Variants in PHETA1 observed in about 807,000 individuals in gnomAD.
PHETA1 encodes the protein sesquipedalian-1.
For synonymous variants in PHETA1, 155 were observed against 168.9 expected, an observed-to-expected ratio of 0.92 and a Z score of 0.64; for missense variants, 348 against 373.5, an observed-to-expected ratio of 0.93 and a Z score of 0.56.
chr12:111,361,772 C>CT lies in PHETA1; in HGVS notation c.*905dup. On this transcript the variant is annotated 3_prime_UTR_variant, in exon 3 of 3. Transcript: ENST00000683047. ...TGGGCCTTCCTAGGCGGTGAGTCAG[C>CT]TGGTGGCCTCCCCTCCCTGGGGGAA... 5.0e-6 allele frequency: 2 copies of CT among 398,196 alleles called. No individual in the cohort carries two copies. 24.7% of individuals were successfully genotyped at this position (398,196 alleles called of 1,614,324 possible).
Position 111,363,241 on chromosome 12 carries a change from G to C in PHETA1, c.187C>G (p.Leu63Val). ...ASREPVGVII[L>V]EGCTVELVEA... ...ACCAGCTCCACAGTGCAGCCCTCCA[G>C]GATGATGACGCCCACGGGCTCACGG... Residue 63 changes from leucine to valine, a missense_variant, in exon 3 of 3, where the codon CTG becomes GTG. By Grantham distance (32) the Leu-to-Val change is conservative (BLOSUM62 1). Coordinates refer to ENST00000683047, the MANE Select transcript of PHETA1 (RefSeq NM_144671.6). The surrounding 1 kb of genome is among the most constrained non-coding windows in gnomAD (Gnocchi z 7.4). 1.2e-6 allele frequency: 2 copies of C among 1,613,316 alleles called. No individual in the cohort carries two copies. Among genetic ancestry groups the C allele is most frequent in the South Asian group, 2.2e-5 (2 of 91,080 alleles).
In PHETA1 at chr12:111,363,807, C is replaced by A; in HGVS notation, c.-36-344G>T. On this transcript the variant is annotated intron_variant, in intron 2 of 2. Transcript: ENST00000683047. The surrounding 1 kb of genome is among the most constrained non-coding windows in gnomAD (Gnocchi z 7.4). ...CACAGGGACTGGCCTGGCACCAGTG[C>A]AACAGATGAGGAAACAGAGGCACAG... The A allele has an allele frequency of 8.1e-7, 1 of 1,240,552 alleles. No homozygotes were observed. Among genetic ancestry groups the A allele is most frequent in the South Asian group, 1.3e-5 (1 of 74,680 alleles). The allele number at this position is 1,240,552 out of a possible 1,614,324, so 76.8% of individuals were successfully genotyped here. A position where few individuals can be genotyped will look rare whatever the true frequency, so the allele number is the denominator to read the frequency against.
rs1321319987 is a variant in PHETA1, at chr12:111,368,197, C to T, written c.-182+715G>A. 6.6e-6 allele frequency among the ~76,000 whole-genome samples: 1 copy of T among 152,172 alleles called. No homozygotes were observed. The highest frequency in any genetic ancestry group is 1.5e-5 in the Non-Finnish European group (1 of 68,032). On this transcript the variant is annotated intron_variant, in intron 1 of 2. Transcript: ENST00000683047. The surrounding 1 kb of genome is among the most constrained non-coding windows in gnomAD (Gnocchi z 5.0). ...TCCTGAAGAGTCATTTTGCAAAATA[C>T]TTGGTGGGTAGTGAGCTTTCAGGGA...
In PHETA1 at chr12:111,362,356, G is replaced by T; in HGVS notation, c.*322C>A. On this transcript the variant is annotated 3_prime_UTR_variant, in exon 3 of 3. Transcript: ENST00000683047. ...GCAGGCCCGGCAATGCCTGTTGCCA[G>T]CACAGGCCTCTGCCCGGCAGCTCAG... The T allele has an allele frequency of 1.8e-6, 1 of 566,160 alleles. No homozygotes were observed. Among genetic ancestry groups the T allele is most frequent in the Non-Finnish European group, 3.1e-6 (1 of 323,622 alleles). The allele number at this position is 566,160 out of a possible 1,614,324, so 35.1% of individuals were successfully genotyped here. A position where few individuals can be genotyped will look rare whatever the true frequency, so the allele number is the denominator to read the frequency against.
At position 111,363,067 on chromosome 12, in the gene PHETA1, G is replaced by T. The variant is rs764966061; in HGVS notation, c.361C>A (p.Arg121Ser). 10 of 1,576,204 alleles carry T rather than the reference G, an allele frequency of 6.3e-6. No homozygotes were observed. Among genetic ancestry groups the T allele is most frequent in the South Asian group, 1.2e-5 (1 of 86,892 alleles). Residue 121 changes from arginine (R) to serine (S), a missense_variant, in exon 3 of 3, where the codon CGC becomes AGC. Arg to Ser is a moderately radical substitution (Grantham distance 110). Transcript: ENST00000683047. This position sits in a 1 kb window ranked among gnomAD's most constrained non-coding sequence, Gnocchi z 7.4. ...ASFDYLRLVV[R>S]ELEQQLAAVR... ...GCCGCCAGCTGCTGCTCCAGCTCGC[G>T]CACCACCAGCCGCAGGTAGTCGAAG...
rs995668204 is a variant in PHETA1, at chr12:111,362,448, C to T, written c.*230G>A. 2.2e-5 allele frequency: 25 copies of T among 1,138,816 alleles called. No individual in the cohort carries two copies. The highest frequency in any genetic ancestry group is 8.6e-5 in the Admixed American group (3 of 35,018). The allele number at this position is 1,138,816 out of a possible 1,614,324, so 70.5% of individuals were successfully genotyped here. On this transcript the variant is annotated 3_prime_UTR_variant, in exon 3 of 3. Transcript: ENST00000683047. ...GCCCTGGATTCTCCTTAGTGTTGCA[C>T]GTGACGTTCCCCTCAAGGGTAGGCC...
Position 111,363,547 on chromosome 12 carries a change from A to C in PHETA1, c.-36-84T>G. Reference sequence around the variant, plus strand: ...CCCAAGGGGACCTTGCAGCCACTCTACATCCCCGTTTCACAGATGAGGAAA... The same window carrying C: ...CCCAAGGGGACCTTGCAGCCACTCTCCATCCCCGTTTCACAGATGAGGAAA... On this transcript the variant is annotated intron_variant, in intron 2 of 2. Transcript: ENST00000683047. The surrounding 1 kb of genome is among the most constrained non-coding windows in gnomAD (Gnocchi z 7.4). The C allele has an allele frequency of 3.9e-6, 6 of 1,532,822 alleles. No individual in the cohort carries two copies. The highest frequency in any genetic ancestry group is 5.2e-6 in the Non-Finnish European group (6 of 1,143,564). 95.0% of individuals were successfully genotyped at this position (1,532,822 alleles called of 1,614,324 possible).
rs1298040854 is a variant in PHETA1, at chr12:111,363,318, C to T, written c.110G>A (p.Arg37His). ...KGGRHAAYHR[R>H]WFVLRGNMLF... ...CATGTTCCCGCGCAGCACGAACCAG[C>T]GCCGGTGGTAGGCCGCGTGCCGCCC... The change falls in exon 3 of 3, where the codon CGC becomes CAC. Residue 37 changes from arginine to histidine, a missense_variant. Physicochemically the swap from Arg to His is conservative, Grantham distance 29. Transcript: ENST00000683047. This position sits in a 1 kb window ranked among gnomAD's most constrained non-coding sequence, Gnocchi z 7.4. 1 of 1,613,194 alleles carries T rather than the reference C, an allele frequency of 6.2e-7. No homozygotes were observed. Among genetic ancestry groups the T allele is most frequent in the East Asian group, 2.2e-5 (1 of 44,882 alleles).
Position 111,362,407 on chromosome 12 carries a change from G to A in PHETA1, c.*271C>T. 1 of 883,184 alleles carries A rather than the reference G, an allele frequency of 1.1e-6. No homozygotes were observed. Among genetic ancestry groups the A allele is most frequent in the Non-Finnish European group, 1.7e-6 (1 of 600,570 alleles). 54.7% of individuals were successfully genotyped at this position (883,184 alleles called of 1,614,324 possible). A position where few individuals can be genotyped will look rare whatever the true frequency, so the allele number is the denominator to read the frequency against. ...GCCAGCCTGGGGCCGGAGTTCTCAG[G>A]AAACCTCCCCCTCAGGCCCTGGATT... On this transcript the variant is annotated 3_prime_UTR_variant, in exon 3 of 3. Coordinates refer to ENST00000683047, the MANE Select transcript of PHETA1 (RefSeq NM_144671.6).
rs1440783930 is a variant in PHETA1, at chr12:111,367,602, AAAGG to A, written c.-182+1306_-182+1309del. ...GGGGTCTCTCCACCCCATCAAGGCC[AAAGG>A]AATAGCAACTTCCCTCCTGCTCAGC... On this transcript the variant is annotated intron_variant, in intron 1 of 2. Transcript: ENST00000683047. This position sits in a 1 kb window ranked among gnomAD's most constrained non-coding sequence, Gnocchi z 4.0. 2.0e-5 allele frequency among the ~76,000 whole-genome samples: 3 copies of A among 152,326 alleles called. No individual in the cohort carries two copies. Among genetic ancestry groups the A allele is most frequent in the East Asian group, 3.9e-4 (2 of 5,186 alleles).
rs1192958284 is a variant in PHETA1 at position 111,368,810 on chromosome 12, C to T, written c.-182+102G>A. On this transcript the variant is annotated intron_variant, in intron 1 of 2. Transcript: ENST00000683047. The surrounding 1 kb of genome is among the most constrained non-coding windows in gnomAD (Gnocchi z 5.0). Reference sequence around the variant, plus strand: ...GTGCGGAGTCCCAGCGGGGAAGATCCCCGCAACGCGCTCTCCAGGTGGCCG... The same window carrying T: ...GTGCGGAGTCCCAGCGGGGAAGATCTCCGCAACGCGCTCTCCAGGTGGCCG... The T allele has an allele frequency of 6.6e-6, 1 of 152,298 alleles. No homozygotes were observed. The highest frequency in any genetic ancestry group is 6.5e-5 in the Admixed American group (1 of 15,292). 9.4% of individuals were successfully genotyped at this position (152,298 alleles called of 1,614,324 possible). A position where few individuals can be genotyped will look rare whatever the true frequency, so the allele number is the denominator to read the frequency against.
Position 111,361,872 on chromosome 12 carries a change from A to G in PHETA1, c.*806T>C. The G allele has an allele frequency of 2.2e-6, 1 of 456,058 alleles. No homozygotes were observed. Among genetic ancestry groups the G allele is most frequent in the South Asian group, 1.5e-5 (1 of 64,558 alleles). The allele number at this position is 456,058 out of a possible 1,614,324, so 28.3% of individuals were successfully genotyped here. A position where few individuals can be genotyped will look rare whatever the true frequency, so the allele number is the denominator to read the frequency against. ...GTCAGGCAAGCTCCCAAGGGGCCCC[A>G]GGCCTAGGGGCCAAGACTGAAGGAT... On this transcript the variant is annotated 3_prime_UTR_variant, in exon 3 of 3. Coordinates refer to ENST00000683047, the MANE Select transcript of PHETA1 (RefSeq NM_144671.6).
Position 111,363,471 on chromosome 12 carries a change from C to A in PHETA1, c.-36-8G>T, listed in dbSNP as rs1868834716. ...TGGAGGGGAGCCTGGGGCCTGGACC[C>A]CATAGAAGGGCTGTTATGCACAAGG... On this transcript the variant is annotated splice_polypyrimidine_tract_variant and splice_region_variant and intron_variant, in intron 2 of 2. Coordinates refer to ENST00000683047, the MANE Select transcript of PHETA1 (RefSeq NM_144671.6). The surrounding 1 kb of genome is among the most constrained non-coding windows in gnomAD (Gnocchi z 7.4). 6.9e-6 allele frequency: 11 copies of A among 1,589,098 alleles called. No homozygotes were observed. The highest frequency in any genetic ancestry group is 2.3e-5 in the East Asian group (1 of 44,436).
Position 111,365,616 on chromosome 12 carries a change from A to G in PHETA1, c.-37+497T>C. On this transcript the variant is annotated intron_variant, in intron 2 of 2. Coordinates refer to ENST00000683047, the MANE Select transcript of PHETA1 (RefSeq NM_144671.6). ...GAATGAGATCATGTCCTTTGCGGGGAAATAGATGGAGCTGGAAGCCATCAT... is the reference window on the plus strand; with the variant it reads ...GAATGAGATCATGTCCTTTGCGGGGGAATAGATGGAGCTGGAAGCCATCAT... 3 of 443,906 alleles carry G rather than the reference A, an allele frequency of 6.8e-6. 1 individual carries two copies. In the Middle Eastern group the frequency reaches 1.1e-3, roughly 168 times the overall value. The allele number at this position is 443,906 out of a possible 1,614,324, so 27.5% of individuals were successfully genotyped here.
chr12:111,361,548 GA>G lies in PHETA1; in HGVS notation c.*1129del. ...CCCAGCCCCGAGGTTCTCCCTGGAT[GA>G]AAAATGGGCACTGTGGTGAGAAGAA... On this transcript the variant is annotated 3_prime_UTR_variant, in exon 3 of 3. Transcript: ENST00000683047. 4.5e-6 allele frequency: 1 copy of G among 222,444 alleles called. No homozygotes were observed. Among genetic ancestry groups the G allele is most frequent in the Non-Finnish European group, 9.1e-6 (1 of 109,628 alleles). 13.8% of individuals were successfully genotyped at this position (222,444 alleles called of 1,614,324 possible).
rs1239837875 is a variant in PHETA1 at position 111,367,764 on chromosome 12, G to A, written c.-182+1148C>T. On this transcript the variant is annotated intron_variant, in intron 1 of 2. Coordinates refer to ENST00000683047, the MANE Select transcript of PHETA1 (RefSeq NM_144671.6). This position sits in a 1 kb window ranked among gnomAD's most constrained non-coding sequence, Gnocchi z 4.0. ...GACAGGAAGCTGCAGGGGCACAGGC[G>A]CCAGCCTTGCCTGGAGCGAAGGCCT... Among the ~76,000 whole-genome samples the A allele has an allele frequency of 3.3e-5, 5 of 152,208 alleles. No homozygotes were observed. The highest frequency in any genetic ancestry group is 6.5e-5 in the Admixed American group (1 of 15,284).
At chr12:111,366,506 G>A (rs992619816) in intron 1 of PHETA1, among the ~76,000 whole-genome samples, 1 of 151,962 alleles carries the variant, frequency 6.6e-6, no homozygotes, top group African/African-American at 2.4e-5. Flanking sequence ...CCTCTCCAGC[G>A]TCTTCCAAAT....
At position 111,361,810 on chromosome 12, in the gene PHETA1, T is replaced by C; in HGVS notation, c.*868A>G. On this transcript the variant is annotated 3_prime_UTR_variant, in exon 3 of 3. Transcript: ENST00000683047. ...CTCCCTGGGGGAACCTGCTAGAAGG[T>C]CACCTCGGGCCATGGCTACCCAGCC... 2.3e-6 allele frequency: 1 copy of C among 442,520 alleles called. No individual in the cohort carries two copies. The highest frequency in any genetic ancestry group is 1.6e-5 in the South Asian group (1 of 63,508). 27.4% of individuals were successfully genotyped at this position (442,520 alleles called of 1,614,324 possible).
At position 111,367,755 on chromosome 12, in the gene PHETA1, G is replaced by C. The variant is rs1432569047; in HGVS notation, c.-182+1157C>G. ...AACTGGGAAGACAGGAAGCTGCAGG[G>C]GCACAGGCGCCAGCCTTGCCTGGAG... On this transcript the variant is annotated intron_variant, in intron 1 of 2. Transcript: ENST00000683047. The surrounding 1 kb of genome is among the most constrained non-coding windows in gnomAD (Gnocchi z 4.0). 6.6e-6 allele frequency among the ~76,000 whole-genome samples: 1 copy of C among 152,274 alleles called. No individual in the cohort carries two copies. The highest frequency in any genetic ancestry group is 1.5e-5 in the Non-Finnish European group (1 of 68,050).
Sources: allele counts gnomAD v4.1 joint callset (sites outside exome capture counted in the v4.1 genomes callset), GRCh38; gene constraint gnomAD v4.1.1; non-coding constraint Gnocchi (gnomAD v3.1); transcripts MANE v1.5; gene names NCBI Gene and HGNC (gene_info 2026-07-23, HGNC 2026-07-21).